EPC2: variants seen among roughly 807,000 people sequenced by gnomAD.
EPC2 encodes the protein enhancer of polycomb homolog 2.
Under a neutral mutation model 92.1 loss-of-function variants are expected in EPC2, and 14 were observed. The observed-to-expected ratio is 0.15, with a 90% confidence interval of 0.10 to 0.24. The LOEUF is 0.24. EPC2 is among the 10% of genes least tolerant of loss of function. The pLI is 1.00. For synonymous variants in EPC2, 340 were observed against 334.7 expected, an observed-to-expected ratio of 1.02 and a Z score of -0.17; for missense variants, 755 against 971.5, an observed-to-expected ratio of 0.78 and a Z score of 2.96.
At chr2:148,759,168 C>CT (rs1683250695) in intron 4 of EPC2, among the ~76,000 whole-genome samples, 1 of 152,194 alleles carries the variant, frequency 6.6e-6, no homozygotes, top group South Asian at 2.1e-4. Flanking sequence ...TATCTGCTTA[C>CT]TGCAACCTCT....
intron 2 of EPC2, among the ~76,000 whole-genome samples, chr2:148,726,765 G>GT (rs201293391): frequency 0.42 from 42,053 of 100,470 alleles, 8,346 homozygotes; most frequent in Non-Finnish European, 0.53. Context: ...TTTGTTTTTT[G>GT]TTTTTTTTTT....
intron 1 of EPC2, among the ~76,000 whole-genome samples, chr2:148,665,425 A>G (rs1362235940): frequency 6.6e-6 from 1 of 152,162 alleles, no homozygotes; most frequent in Non-Finnish European, 1.5e-5. Context: ...CATTGATGTT[A>G]GTGTCACCTT....
At chr2:148,702,794 A>G (rs1392446069) in intron 2 of EPC2, among the ~76,000 whole-genome samples, 2 of 152,028 alleles carry the variant, frequency 1.3e-5, no homozygotes, top group Non-Finnish European at 2.9e-5. Context: ...GTCCAACCCA[A>G]TTCGTAAACT....
At position 148,696,428 on chromosome 2, in the gene EPC2, A is replaced by G. The variant is rs1267428034; in HGVS notation, c.313+6055A>G. Among the ~76,000 whole-genome samples, 3 of 152,364 alleles carry G rather than the reference A, an allele frequency of 2.0e-5. No homozygotes were observed. The East Asian group carries it at 5.8e-4, about 29-fold the overall frequency. On this transcript the variant is annotated intron_variant, in intron 2 of 13. Coordinates refer to ENST00000258484, the MANE Select transcript of EPC2 (RefSeq NM_015630.4). ...CATTTATTTATGTCCACTTTTCAAA[A>G]AAGAAAAAAAGGCATTTGCAGTGAC...
chr2:148,645,469 C>G (rs1241896053), intron 1 of EPC2: 4 of 362,798 alleles, frequency 1.1e-5, no homozygotes, highest in Admixed American at 9.6e-5. Flanking sequence ...GCTGGCCGCT[C>G]TTGGCGTACG....
intron 2 of EPC2, among the ~76,000 whole-genome samples, chr2:148,706,592 A>G (rs1682005183): frequency 6.6e-6 from 1 of 152,240 alleles, no homozygotes. Flanking sequence ...AAGGGTAGCC[A>G]GAGAGAAAGG....
intron 1 of EPC2, 31 bp downstream of exon 1, chr2:148,645,201 T>G: frequency 6.7e-7 from 1 of 1,485,910 alleles, no homozygotes; most frequent in African/African-American, 1.4e-5. Flanking sequence ...TACCCCCCCT[T>G]CCCTCCTCCC....
At chr2:148,655,801 A>G (rs910531632) in intron 1 of EPC2, among the ~76,000 whole-genome samples, 3 of 152,112 alleles carry the variant, frequency 2.0e-5, no homozygotes, top group South Asian at 4.1e-4. Context: ...TTTTATTCCC[A>G]TTACTATACA....
At chr2:148,713,345 CA>C (rs1238690804) in intron 2 of EPC2, among the ~76,000 whole-genome samples, 6 of 151,812 alleles carry the variant, frequency 4.0e-5, no homozygotes, top group Non-Finnish European at 8.8e-5. Context: ...TAGTTTTTGA[CA>C]CAAAAAAATT....
At chr2:148,722,647 A>G (rs1393831062) in intron 2 of EPC2, among the ~76,000 whole-genome samples, 1 of 152,226 alleles carries the variant, frequency 6.6e-6, no homozygotes, top group East Asian at 1.9e-4. Flanking sequence ...CAGAATTACC[A>G]TTCAACCCAG....
chr2:148,735,103 A>G (rs928942527), intron 2 of EPC2, among the ~76,000 whole-genome samples: 4 of 152,024 alleles, frequency 2.6e-5, no homozygotes, highest in Non-Finnish European at 5.9e-5. Flanking sequence ...ATATAATGTT[A>G]TGAATGGCCT....
chr2:148,649,706 T>C (rs985261215), intron 1 of EPC2, among the ~76,000 whole-genome samples: 15 of 152,240 alleles, frequency 9.9e-5, no homozygotes, highest in African/African-American at 3.6e-4. Context: ...ATTCAGACCC[T>C]TGACATTGGT....
At chr2:148,745,358 A>G (rs961187728) in intron 3 of EPC2, among the ~76,000 whole-genome samples, 39 of 152,016 alleles carry the variant, frequency 2.6e-4, no homozygotes, top group African/African-American at 9.4e-4. Flanking sequence ...CTGTTCTGTA[A>G]TTTGCTTTCT....
intron 2 of EPC2, among the ~76,000 whole-genome samples, chr2:148,715,385 T>G (rs1682237349): frequency 6.6e-6 from 1 of 152,206 alleles, no homozygotes. Flanking sequence ...TTAATCATCT[T>G]GAATTGATTT....
intron 1 of EPC2, among the ~76,000 whole-genome samples, chr2:148,655,631 TTA>T (rs1458033764): frequency 3.3e-5 from 5 of 152,150 alleles, no homozygotes; most frequent in Admixed American, 2.0e-4. Flanking sequence ...TGTTAGAAGT[TTA>T]TGTTTTCTCA....
chr2:148,685,475 T>C (rs1454716315), intron 1 of EPC2, among the ~76,000 whole-genome samples: 2 of 152,184 alleles, frequency 1.3e-5, no homozygotes, highest in African/African-American at 2.4e-5. Context: ...ATAAAAGTTA[T>C]GCTGGCTGGG....
intron 7 of EPC2, among the ~76,000 whole-genome samples, chr2:148,766,710 G>A (rs1466651139): frequency 1.3e-5 from 2 of 152,222 alleles, no homozygotes; most frequent in Admixed American, 6.5e-5. Context: ...TGAAAGGCTT[G>A]ATGCCTGCAG....
intron 1 of EPC2, among the ~76,000 whole-genome samples, chr2:148,659,467 A>G (rs1487767266): frequency 6.6e-6 from 1 of 152,154 alleles, no homozygotes; most frequent in East Asian, 1.9e-4. Context: ...TTTAGACTGA[A>G]TTTATACTGA....
chr2:148,694,330 C>T lies in EPC2; in HGVS notation c.313+3957C>T, dbSNP rs370686526. ...GAAAGTGAGACAAACATTCTTGTTCCTTCTGATCCCTTTCAGTAGCAGTTC... is the reference window on the plus strand; with the variant it reads ...GAAAGTGAGACAAACATTCTTGTTCTTTCTGATCCCTTTCAGTAGCAGTTC... On this transcript the variant is annotated intron_variant, in intron 2 of 13. Transcript: ENST00000258484. Among the ~76,000 whole-genome samples the T allele has an allele frequency of 8.5e-5, 13 of 152,142 alleles. No homozygotes were observed. The East Asian group carries it at 1.9e-3, about 23-fold the overall frequency.
Sources: gnomAD v4.1 joint callset for allele counts (sites outside exome capture counted in the v4.1 genomes callset) on GRCh38, gnomAD v4.1.1 for gene constraint, MANE v1.5 for transcripts, NCBI Gene and HGNC (gene_info 2026-07-23, HGNC 2026-07-21) for gene names.